Variants in L3MBTL4 observed in about 807,000 individuals in gnomAD.
L3MBTL4 encodes lethal(3)malignant brain tumor-like protein 4.
L3MBTL4 carries 70 observed loss-of-function variants against 84.5 expected under a neutral mutation model. That is an observed-to-expected ratio of 0.83 (90% CI 0.68 to 1.01). The LOEUF is 1.01. L3MBTL4 is among the 50% of genes least tolerant of loss of function. The probability of loss-of-function intolerance (pLI) is 0.00; values close to 1 mark genes in which losing one functional copy is unlikely to be tolerated. For synonymous variants in L3MBTL4, 274 were observed against 259.8 expected (o/e 1.05, Z -0.52); for missense variants, 715 against 754.8 (o/e 0.95, Z 0.62).
chr18:5,994,216 A>C (rs1244817706), intron 16 of L3MBTL4, among the ~76,000 whole-genome samples: 1 of 152,152 alleles, frequency 6.6e-6, no homozygotes, highest in Non-Finnish European at 1.5e-5. Flanking sequence ...CTGTCACCAA[A>C]GTGCCTCTAC....
At chr18:6,062,477 T>C (rs978509280) in intron 16 of L3MBTL4, among the ~76,000 whole-genome samples, 3 of 152,026 alleles carry the variant, frequency 2.0e-5, no homozygotes, top group Non-Finnish European at 4.4e-5. Flanking sequence ...TTTATCCTTC[T>C]TGGTATTCTT....
chr18:6,007,813 G>C (rs2054559712), intron 16 of L3MBTL4, among the ~76,000 whole-genome samples: 2 of 152,148 alleles, frequency 1.3e-5, no homozygotes, highest in South Asian at 2.1e-4. Context: ...TTTTTTATGA[G>C]TGGGTTGAAA....
At chr18:6,096,380 C>A (rs1324370711) in intron 14 of L3MBTL4, among the ~76,000 whole-genome samples, 1 of 152,118 alleles carries the variant, frequency 6.6e-6, no homozygotes, top group Admixed American at 6.6e-5. Context: ...CAGAGCATTG[C>A]TAGAATGGAA....
chr18:6,239,217 T>C (rs1294325236), intron 9 of L3MBTL4, among the ~76,000 whole-genome samples: 3 of 150,606 alleles, frequency 2.0e-5, no homozygotes, highest in Non-Finnish European at 4.5e-5. Context: ...GGCGGGCGCC[T>C]GTAGTCCCAG....
chr18:6,347,407 T>C (rs1420408458), intron 1 of L3MBTL4, among the ~76,000 whole-genome samples: 1 of 151,362 alleles, frequency 6.6e-6, no homozygotes, highest in African/African-American at 2.4e-5. Context: ...TTTAGGGAGG[T>C]GATGGCTATG....
intron 12 of L3MBTL4, among the ~76,000 whole-genome samples, chr18:6,172,424 G>A (rs939404497): frequency 5.3e-5 from 8 of 152,126 alleles, no homozygotes; most frequent in Admixed American, 2.0e-4. Flanking sequence ...AATGAGAGAC[G>A]GGCCCATTGG....
At chr18:6,084,955 T>C (rs1377309137) in intron 15 of L3MBTL4, among the ~76,000 whole-genome samples, 3 of 152,152 alleles carry the variant, frequency 2.0e-5, no homozygotes, top group African/African-American at 4.8e-5. Context: ...GACGTGGAGC[T>C]AGGACAAATT....
At chr18:6,336,476 T>C (rs2052344881) in intron 1 of L3MBTL4, among the ~76,000 whole-genome samples, 1 of 152,182 alleles carries the variant, frequency 6.6e-6, no homozygotes, top group Non-Finnish European at 1.5e-5. Context: ...AAGTAGAGTT[T>C]TTCTACCAGT....
In L3MBTL4 at chr18:6,085,007, T is replaced by A. The variant is rs553937930; in HGVS notation, c.1374-4056A>T. 2.6e-5 allele frequency among the ~76,000 whole-genome samples: 4 copies of A among 152,298 alleles called. No individual in the cohort carries two copies. In the East Asian group the frequency reaches 7.7e-4, roughly 29 times the overall value. On this transcript the variant is annotated intron_variant, in intron 15 of 18. Coordinates refer to ENST00000317931, the MANE Select transcript of L3MBTL4 (RefSeq NM_001330559.2). ...CTTTCTATGTTCCCACGCATGTGTG[T>A]AGGTTTGGATATGCGAATTTATTTA...
chr18:6,192,615 GAA>G, intron 12 of L3MBTL4, among the ~76,000 whole-genome samples: 1 of 152,004 alleles, frequency 6.6e-6, no homozygotes, highest in Non-Finnish European at 1.5e-5. Context: ...TTAGGAGAGG[GAA>G]AAAAAGATGT....
chr18:6,165,091 G>A (rs79259978), intron 13 of L3MBTL4, among the ~76,000 whole-genome samples: 7,999 of 152,120 alleles, frequency 0.053, 712 homozygotes, highest in African/African-American at 0.18. Context: ...GCAATGGAAG[G>A]CAAAATGAAT....
chr18:6,285,127 A>G (rs1568436100), intron 4 of L3MBTL4, among the ~76,000 whole-genome samples: 1 of 152,242 alleles, frequency 6.6e-6, no homozygotes, highest in Non-Finnish European at 1.5e-5. Flanking sequence ...AGGCGTCCGC[A>G]GAGGGGTGGC....
chr18:6,186,071 G>T (rs577036000), intron 12 of L3MBTL4, among the ~76,000 whole-genome samples: 22 of 151,636 alleles, frequency 1.5e-4, no homozygotes, highest in African/African-American at 5.3e-4. Context: ...GGAGTGCAGT[G>T]GTGCAGTCTC....
At chr18:6,032,080 C>T in intron 16 of L3MBTL4, 1 of 202,134 alleles carries the variant, frequency 4.9e-6, no homozygotes. Context: ...CAGGTTCAAG[C>T]AATTCTCCTG....
In L3MBTL4 at chr18:6,224,980, T is replaced by C. The variant is rs555528418; in HGVS notation, c.785-9145A>G. On this transcript the variant is annotated intron_variant, in intron 10 of 18. Transcript: ENST00000317931. Reference sequence around the variant, plus strand: ...AGTGAGGAAGATTTAAACCAAAAAGTTTTAAAAATAAACCTTTATTGAATA... The same window carrying C: ...AGTGAGGAAGATTTAAACCAAAAAGCTTTAAAAATAAACCTTTATTGAATA... 3.3e-5 allele frequency among the ~76,000 whole-genome samples: 5 copies of C among 150,434 alleles called. 1 individual carries two copies. The highest frequency in any genetic ancestry group is 4.2e-4 in the South Asian group (2 of 4,742).
chr18:5,999,153 A>T (rs550057450), intron 16 of L3MBTL4, among the ~76,000 whole-genome samples: 1 of 152,272 alleles, frequency 6.6e-6, no homozygotes, highest in South Asian at 2.1e-4. Flanking sequence ...CCAGATAGCC[A>T]CAGAGCCTTG....
At chr18:5,970,874 G>T (rs759013372) in intron 16 of L3MBTL4, among the ~76,000 whole-genome samples, 1 of 152,184 alleles carries the variant, frequency 6.6e-6, no homozygotes, top group South Asian at 2.1e-4. Context: ...TCTAAACTAC[G>T]AGCGAGCTTG....
chr18:6,164,495 G>T (rs757050915), intron 13 of L3MBTL4, among the ~76,000 whole-genome samples: 2 of 152,178 alleles, frequency 1.3e-5, no homozygotes, highest in Non-Finnish European at 2.9e-5. Flanking sequence ...CCAGAGGAAC[G>T]ATCAGGCAGC....
At chr18:6,337,965 G>A (rs909837476) in intron 1 of L3MBTL4, among the ~76,000 whole-genome samples, 1 of 151,828 alleles carries the variant, frequency 6.6e-6, no homozygotes, top group Non-Finnish European at 1.5e-5. Context: ...ACTTCTAACA[G>A]GAACAATGAA....
Sources: gnomAD v4.1 joint callset for allele counts (sites outside exome capture counted in the v4.1 genomes callset) on GRCh38, gnomAD v4.1.1 for gene constraint, MANE v1.5 for transcripts, NCBI Gene and HGNC (gene_info 2026-07-23, HGNC 2026-07-21) for gene names.